The following MARCHF3 variants were observed in gnomAD, a reference collection of about 807,000 sequenced individuals.
The protein encoded by MARCHF3 is E3 ubiquitin-protein ligase MARCHF3.
In MARCHF3, 13 loss-of-function variants were observed where a neutral mutation model predicts 24.2. That is an observed-to-expected ratio of 0.54 (90% confidence interval 0.35 to 0.85). The LOEUF (loss-of-function observed/expected upper bound fraction) is 0.85, where lower values mean the gene tolerates loss of function less well. MARCHF3 is among the 40% of genes least tolerant of loss of function. The pLI, the probability that MARCHF3 is intolerant of heterozygous loss-of-function variation, is 0.01. For missense variants in MARCHF3, 276 were observed against 325.0 expected, an observed-to-expected ratio of 0.85 and a Z score of 1.16; for synonymous variants, 144 against 137.3, an observed-to-expected ratio of 1.05 and a Z score of -0.34.
At chr5:126,976,996 C>T (rs1474720092) in intron 1 of MARCHF3, among the ~76,000 whole-genome samples, 1 of 152,232 alleles carries the variant, frequency 6.6e-6, no homozygotes, top group East Asian at 1.9e-4. Context: ...GATGCCTGCT[C>T]TTAATGCCCT....
At chr5:127,004,018 C>A (rs1299042285) in intron 1 of MARCHF3, among the ~76,000 whole-genome samples, 1 of 152,108 alleles carries the variant, frequency 6.6e-6, no homozygotes, top group Admixed American at 6.5e-5. Flanking sequence ...AGGGCAGACA[C>A]CAGCTGCAGG....
At position 126,874,006 on chromosome 5, in the gene MARCHF3, G is replaced by C. The variant is rs1244966800; in HGVS notation, c.604-3215C>G. Among the ~76,000 whole-genome samples the C allele has an allele frequency of 3.9e-5, 6 of 152,196 alleles. No homozygotes were observed. The East Asian group carries it at 1.2e-3, about 29-fold the overall frequency. ...AGCGAGGAAAAAGAAAACATAAAAAGATGCTCCAACAATAATGTTAGGAAT... is the reference window on the plus strand; with the variant it reads ...AGCGAGGAAAAAGAAAACATAAAAACATGCTCCAACAATAATGTTAGGAAT... On this transcript the variant is annotated intron_variant, in intron 4 of 4. Coordinates refer to ENST00000308660, the MANE Select transcript of MARCHF3 (RefSeq NM_178450.5).
chr5:126,952,119 C>A (rs1333374399), intron 1 of MARCHF3, among the ~76,000 whole-genome samples: 1 of 152,092 alleles, frequency 6.6e-6, no homozygotes, highest in African/African-American at 2.4e-5. Flanking sequence ...AGTGCTGGGA[C>A]TACAGATGTG....
At chr5:126,887,795 C>A (rs962498449) in intron 3 of MARCHF3, among the ~76,000 whole-genome samples, 1 of 152,194 alleles carries the variant, frequency 6.6e-6, no homozygotes, top group Non-Finnish European at 1.5e-5. Flanking sequence ...TCCTTCTCAT[C>A]AGCTGTACCT....
At chr5:126,958,689 T>A (rs113327359) in intron 1 of MARCHF3, among the ~76,000 whole-genome samples, 1,912 of 152,182 alleles carry the variant, frequency 0.013, 28 homozygotes, top group African/African-American at 0.027. Flanking sequence ...ACTTTTTTTT[T>A]AAAAATGCCA....
rs532447822 is a variant in MARCHF3, at chr5:127,003,759, A to G, written c.-57+26591T>C. 2.2e-3 allele frequency among the ~76,000 whole-genome samples: 338 copies of G among 152,314 alleles called. 2 individuals carry two copies. The highest frequency in any genetic ancestry group is 3.6e-3 in the Non-Finnish European group (247 of 68,036). On this transcript the variant is annotated intron_variant, in intron 1 of 4. Coordinates refer to ENST00000308660, the MANE Select transcript of MARCHF3 (RefSeq NM_178450.5). ...TGAGGAGTGAAGAGAAAAACTTACAAAAAGTGGATAGTGAATTATGTGTCA... is the reference window on the plus strand; with the variant it reads ...TGAGGAGTGAAGAGAAAAACTTACAGAAAGTGGATAGTGAATTATGTGTCA...
intron 1 of MARCHF3, among the ~76,000 whole-genome samples, chr5:126,983,281 C>T (rs1010169355): frequency 6.6e-6 from 1 of 152,150 alleles, no homozygotes; most frequent in Admixed American, 6.5e-5. Context: ...TAAAAATCGG[C>T]TCCAGGAGGG....
At chr5:126,881,702 G>A (rs1753347630) in intron 3 of MARCHF3, among the ~76,000 whole-genome samples, 1 of 151,994 alleles carries the variant, frequency 6.6e-6, no homozygotes, top group African/African-American at 2.4e-5. Context: ...CACAAAGACA[G>A]GGGGCCACCT....
chr5:126,977,120 T>C (rs1420724213), intron 1 of MARCHF3, among the ~76,000 whole-genome samples: 1 of 152,194 alleles, frequency 6.6e-6, no homozygotes, highest in Non-Finnish European at 1.5e-5. Context: ...TAGGGCAACA[T>C]GTTTTGGGTC....
chr5:127,007,515 A>T (rs1330761921), intron 1 of MARCHF3, among the ~76,000 whole-genome samples: 1 of 152,136 alleles, frequency 6.6e-6, no homozygotes, highest in Non-Finnish European at 1.5e-5. Context: ...TCTCAAGGCC[A>T]AGTATACACT....
intron 1 of MARCHF3, among the ~76,000 whole-genome samples, chr5:126,920,046 A>T (rs954083468): frequency 7.2e-5 from 11 of 152,222 alleles, no homozygotes; most frequent in Admixed American, 7.2e-4. Flanking sequence ...GCTTTTTTTA[A>T]AAAATTACAA....
In MARCHF3 at chr5:126,954,375, A is replaced by ATTT. The variant is rs764704624; in HGVS notation, c.-56-36151_-56-36149dup. On this transcript the variant is annotated intron_variant, in intron 1 of 4. Coordinates refer to ENST00000308660, the MANE Select transcript of MARCHF3 (RefSeq NM_178450.5). Reference sequence around the variant, plus strand: ...AACCTCTTCTAATTTTATGGATACAATTTTTTTTTTTTTGAGACAGGGTCT... The same window carrying ATTT: ...AACCTCTTCTAATTTTATGGATACAATTTTTTTTTTTTTTTTGAGACAGGGTCT... Among the ~76,000 whole-genome samples the ATTT allele has an allele frequency of 5.5e-5, 8 of 144,450 alleles. No individual in the cohort carries two copies. The South Asian group carries it at 1.5e-3, about 28-fold the overall frequency. 94.8% of individuals were successfully genotyped at this position (144,450 alleles called of 152,430 possible). A position where few individuals can be genotyped will look rare whatever the true frequency, so the allele number is the denominator to read the frequency against.
intron 1 of MARCHF3, among the ~76,000 whole-genome samples, chr5:127,005,199 C>A (rs185619376): frequency 6.8e-6 from 1 of 147,068 alleles, no homozygotes; most frequent in Non-Finnish European, 1.5e-5. Context: ...TACAGTGGCA[C>A]GATCTCAGCT....
intron 3 of MARCHF3, chr5:126,914,672 A>G: frequency 1.8e-6 from 1 of 559,500 alleles, no homozygotes; most frequent in Non-Finnish European, 3.2e-6. Context: ...TTCTCCTTAT[A>G]CTAATTTATT....
chr5:126,953,945 C>G (rs1222902200), intron 1 of MARCHF3, among the ~76,000 whole-genome samples: 12 of 152,230 alleles, frequency 7.9e-5, no homozygotes. Flanking sequence ...TATTTTAAAC[C>G]TAGTAAATGA....
At chr5:126,987,964 G>A (rs201369378) in intron 1 of MARCHF3, among the ~76,000 whole-genome samples, 4 of 152,046 alleles carry the variant, frequency 2.6e-5, no homozygotes, top group Non-Finnish European at 5.9e-5. Flanking sequence ...TAACATTACG[G>A]GAAGCCGCAT....
Position 126,878,363 on chromosome 5 carries a change from T to C in MARCHF3, c.425A>G (p.Lys142Arg). 6.2e-7 allele frequency: 1 copy of C among 1,613,924 alleles called. No individual in the cohort carries two copies. The highest frequency in any genetic ancestry group is 8.5e-7 in the Non-Finnish European group (1 of 1,179,922). Residue 142 changes from lysine (K) to arginine (R), a missense_variant, in exon 4 of 5, where the codon AAG becomes AGG. Coordinates refer to ENST00000308660, the MANE Select transcript of MARCHF3 (RefSeq NM_178450.5). ...WLRNPGPQHEKRTLFGDMVCF... is the reference protein window; with the variant it reads ...WLRNPGPQHERRTLFGDMVCF... Reference sequence around the variant, plus strand: ...CACCATGTCGCCAAACAGAGTCCGCTTCTCATGCTGGGGGCCAGGGTTTCT... The same window carrying C: ...CACCATGTCGCCAAACAGAGTCCGCCTCTCATGCTGGGGGCCAGGGTTTCT...
intron 1 of MARCHF3, among the ~76,000 whole-genome samples, chr5:126,961,433 C>T (rs1750633180): frequency 6.6e-6 from 1 of 152,070 alleles, no homozygotes; most frequent in Admixed American, 6.6e-5. Flanking sequence ...GAAGCAACCA[C>T]CATAAGGCTG....
At chr5:126,975,212 C>T (rs1751152721) in intron 1 of MARCHF3, among the ~76,000 whole-genome samples, 1 of 152,182 alleles carries the variant, frequency 6.6e-6, no homozygotes, top group African/African-American at 2.4e-5. Context: ...GCCTTGGCCT[C>T]CCAAAGTGCT....
Sources: gnomAD v4.1 joint callset for allele counts (sites outside exome capture counted in the v4.1 genomes callset) on GRCh38, gnomAD v4.1.1 for gene constraint, MANE v1.5 for transcripts, NCBI Gene and HGNC (gene_info 2026-07-23, HGNC 2026-07-21) for gene names.